Variants in SDHA observed in about 807,000 individuals in gnomAD.
SDHA encodes the protein succinate dehydrogenase complex flavoprotein subunit A.
SDHA carries 48 observed loss-of-function variants against 78.4 expected under a neutral mutation model. The observed-to-expected ratio is 0.61, with a 90% CI of 0.49 to 0.78. SDHA has a LOEUF of 0.78. Ranked by LOEUF, SDHA falls within the 30% of genes least tolerant of loss-of-function variation. The pLI is 0.00. For synonymous variants in SDHA, 326 were observed against 353.9 expected, an observed-to-expected ratio of 0.92 and a Z score of 0.88; for missense variants, 680 against 892.7, an observed-to-expected ratio of 0.76 and a Z score of 3.04.
chr5:228,287 G>A lies in SDHA; in HGVS notation c.724G>A (p.Gly242Arg), dbSNP rs764534044. 34 of 1,613,768 alleles carry A rather than the reference G, an allele frequency of 2.1e-5. No individual in the cohort carries two copies. Among genetic ancestry groups the A allele is most frequent in the African/African-American group, 2.7e-5 (2 of 74,894 alleles). ...TGTCATCGCACTGTGCATAGAGGACGGGTCCATCCATCGCATAAGAGCAAA... is the reference window on the plus strand; with the variant it reads ...TGTCATCGCACTGTGCATAGAGGACAGGTCCATCCATCGCATAAGAGCAAA... ...RGVIALCIED[G>R]SIHRIRAKNT... Residue 242 changes from glycine (G) to arginine (R), a missense_variant, in exon 6 of 15, where the codon GGG becomes AGG. Gly to Arg is a moderately radical substitution (Grantham distance 125, BLOSUM62 -2). Transcript: ENST00000264932.
downstream of SDHA, among the ~76,000 whole-genome samples, chr5:259,133 T>TGTGA (rs1737390724): frequency 2.1e-5 from 1 of 47,406 alleles, no homozygotes; most frequent in African/African-American, 1.8e-4. Flanking sequence ...AGCATTACCG[T>TGTGA]GTGAGCTCCG....
chr5:265,075 C>T, the SDHA span, among the ~76,000 whole-genome samples: 3 of 152,096 alleles, frequency 2.0e-5, no homozygotes, highest in Non-Finnish European at 4.4e-5. Flanking sequence ...GGCATGGTGG[C>T]AGGTGCCTGT....
At position 236,615 on chromosome 5, in the gene SDHA, A is replaced by T; in HGVS notation, c.1432+16A>T. 6.2e-7 allele frequency: 1 copy of T among 1,612,570 alleles called. No individual in the cohort carries two copies. The highest frequency in any genetic ancestry group is 2.2e-5 in the East Asian group (1 of 44,876). On this transcript the variant is annotated intron_variant, in intron 10 of 14. Coordinates refer to ENST00000264932, the MANE Select transcript of SDHA (RefSeq NM_004168.4). ...TGCAGGCCTGGTAAGTGTTTTCTTC[A>T]GGAGCCAGACTATTTGAGAAGGCGC... is the stretch of plus-strand genomic sequence containing the variant.
chr5:247,410 A>T (rs1260971565), intron 11 of SDHA, among the ~76,000 whole-genome samples: 1 of 152,246 alleles, frequency 6.6e-6, no homozygotes, highest in African/African-American at 2.4e-5. Context: ...AGGGAATCAA[A>T]TGGCTGATCG....
At position 251,019 on chromosome 5, in the gene SDHA, C is replaced by T. The variant is rs138723511; in HGVS notation, c.1579C>T (p.Arg527Cys). The change falls in exon 12 of 15, where the codon CGT (arginine) becomes TGT (cysteine). Residue 527 changes from arginine to cysteine, a missense_variant. Transcript: ENST00000264932. ...AATGCAAAATCATGCTGCCGTGTTC[C>T]GTGTGGGAAGCGTGTTGCAAGAAGG... ...KSMQNHAAVF[R>C]VGSVLQEGCG... The T allele has an allele frequency of 1.8e-5, 29 of 1,611,792 alleles. No individual in the cohort carries two copies. Among genetic ancestry groups the T allele is most frequent in the East Asian group, 4.5e-5 (2 of 44,886 alleles).
chr5:247,841 T>C (rs930624424), intron 11 of SDHA, among the ~76,000 whole-genome samples: 1 of 152,224 alleles, frequency 6.6e-6, no homozygotes, highest in Non-Finnish European at 1.5e-5. Context: ...CATTTTTCTC[T>C]ATACGGAATA....
intron 7 of SDHA, among the ~76,000 whole-genome samples, chr5:232,610 T>C (rs2126574248): frequency 6.6e-6 from 1 of 152,340 alleles, no homozygotes; most frequent in East Asian, 1.9e-4. Context: ...CCACTGCTCA[T>C]GCTTTGTCTT....
At chr5:229,294 A>G (rs774912836) in intron 6 of SDHA, among the ~76,000 whole-genome samples, 4 of 152,272 alleles carry the variant, frequency 2.6e-5, no homozygotes, top group Non-Finnish European at 4.4e-5. Flanking sequence ...CAGAAGCTCA[A>G]AGAGACACCT....
chr5:258,927 T>A (rs7379488), downstream of SDHA, among the ~76,000 whole-genome samples: 1 of 27,666 alleles, frequency 3.6e-5, no homozygotes, highest in Non-Finnish European at 7.5e-5. Flanking sequence ...CCGCCTCCCG[T>A]CCGAGCATTA....
At chr5:242,051 T>C (rs1736173914) in intron 11 of SDHA, among the ~76,000 whole-genome samples, 1 of 152,188 alleles carries the variant, frequency 6.6e-6, no homozygotes. Flanking sequence ...GCCTGCTGTA[T>C]CCCAGGCTCC....
At chr5:268,188 C>CTT in the SDHA span, among the ~76,000 whole-genome samples, 1 of 145,094 alleles carries the variant, frequency 6.9e-6, no homozygotes, top group Non-Finnish European at 1.5e-5. Context: ...TTTTTTCTTT[C>CTT]TTTTTTTTTT....
intron 1 of SDHA, among the ~76,000 whole-genome samples, chr5:220,666 C>T (rs1300986961): frequency 6.6e-6 from 1 of 151,704 alleles, no homozygotes; most frequent in African/African-American, 2.4e-5. Flanking sequence ...AGTCCAGGAT[C>T]CAGAGCCAGG....
intron 1 of SDHA, among the ~76,000 whole-genome samples, chr5:222,055 A>C (rs1181676767): frequency 6.9e-6 from 1 of 145,374 alleles, no homozygotes; most frequent in African/African-American, 2.9e-5. Context: ...ATTTTCAAGA[A>C]CATTTGTATT....
chr5:229,326 A>G (rs1255097910), intron 6 of SDHA, among the ~76,000 whole-genome samples: 1 of 152,242 alleles, frequency 6.6e-6, no homozygotes, highest in Non-Finnish European at 1.5e-5. Context: ...TCATTGCAGC[A>G]TTATTCACAA....
chr5:226,846 G>T (rs185851617), intron 5 of SDHA, among the ~76,000 whole-genome samples: 6 of 143,834 alleles, frequency 4.2e-5, no homozygotes, highest in Non-Finnish European at 6.0e-5. Context: ...GGAGAATGGC[G>T]TGAACCCAGG....
At chr5:249,883 C>T (rs1579435546) in intron 11 of SDHA, 1 of 152,190 alleles carries the variant, frequency 6.6e-6, no homozygotes, top group African/African-American at 2.4e-5. Flanking sequence ...GAAAAACTAA[C>T]AGAAACAAAA....
intron 11 of SDHA, among the ~76,000 whole-genome samples, chr5:241,326 G>A (rs1736126755): frequency 6.6e-6 from 1 of 152,146 alleles, no homozygotes; most frequent in African/African-American, 2.4e-5. Context: ...ACACAACACT[G>A]GTGCTTACAT....
At chr5:236,321 G>A (rs1735773033) in intron 9 of SDHA, 107 bp from the exon 10 acceptor site, 10 of 1,178,116 alleles carry the variant, frequency 8.5e-6, no homozygotes, top group Non-Finnish European at 1.3e-5. Context: ...ACCACGCCTG[G>A]CCTACTTCCC....
the SDHA span, among the ~76,000 whole-genome samples, chr5:268,608 A>G: frequency 6.6e-6 from 1 of 152,196 alleles, no homozygotes; most frequent in African/African-American, 2.4e-5. Flanking sequence ...GGCTTTAGGC[A>G]AGTTACCTTC....
Sources: allele counts gnomAD v4.1 joint callset (sites outside exome capture counted in the v4.1 genomes callset), GRCh38; gene constraint gnomAD v4.1.1; transcripts MANE v1.5; gene names NCBI Gene and HGNC (gene_info 2026-07-23, HGNC 2026-07-21).